The following GALNT16 variants were observed in gnomAD, a reference collection of about 807,000 sequenced individuals.
GALNT16 encodes the protein polypeptide N-acetylgalactosaminyltransferase 16, also known as UDP-GalNAc:polypeptide N-acetylgalactosaminyltransferase-like protein 1.
GALNT16 carries 40 observed loss-of-function variants against 76.1 expected under a neutral mutation model. The observed-to-expected ratio is 0.53, with a 90% CI of 0.41 to 0.68. GALNT16 has a LOEUF of 0.68. Among genes scored for constraint, GALNT16 ranks in the 30% least tolerant of loss-of-function variants. The pLI is 0.00. For missense variants in GALNT16, 621 were observed against 731.9 expected, an observed-to-expected ratio of 0.85 and a Z score of 1.75; for synonymous variants, 276 against 285.2, an observed-to-expected ratio of 0.97 and a Z score of 0.32.
chr14:69,383,438 AC>A, the GALNT16 span, among the ~76,000 whole-genome samples: 1 of 152,242 alleles, frequency 6.6e-6, no homozygotes, highest in Non-Finnish European at 1.5e-5. Context: ...CTGAGGAGTA[AC>A]GGCCCAAATC....
chr14:69,291,374 C>T (rs2044685259), intron 1 of GALNT16, among the ~76,000 whole-genome samples: 1 of 152,146 alleles, frequency 6.6e-6, no homozygotes, highest in Non-Finnish European at 1.5e-5. Context: ...GCCCCCCTCC[C>T]CGGCTTATTA....
intron 9 of GALNT16, among the ~76,000 whole-genome samples, 180 bp from the exon 10 acceptor site, chr14:69,338,471 G>A (rs900146729): frequency 2.6e-5 from 4 of 152,200 alleles, no homozygotes; most frequent in African/African-American, 4.8e-5. Flanking sequence ...ACGTACACAC[G>A]TAGAGTGGGC....
At chr14:69,377,804 C>CAAAAAAAAAAAAAAAAA in the GALNT16 span, among the ~76,000 whole-genome samples, 3 of 37,486 alleles carry the variant, frequency 8.0e-5, no homozygotes, top group South Asian at 1.5e-3. Context: ...GAGACTGTCT[C>CAAAAAAAAAAAAAAAAA]AAAAAAAAAA....
At chr14:69,316,166 TG>T (rs1033792196) in intron 1 of GALNT16, among the ~76,000 whole-genome samples, 10 of 152,060 alleles carry the variant, frequency 6.6e-5, no homozygotes, top group African/African-American at 2.4e-4. Flanking sequence ...AGCCTATGAG[TG>T]GGGAAGAAGA....
intron 1 of GALNT16, among the ~76,000 whole-genome samples, chr14:69,285,058 T>TC: frequency 6.8e-6 from 1 of 148,134 alleles, no homozygotes; most frequent in Admixed American, 6.7e-5. Context: ...TTTTTTTTTT[T>TC]GAGACGGAGT....
rs1427759606 is a variant in GALNT16 at position 69,340,511 on chromosome 14, G to A, written c.1187+892G>A. Among the ~76,000 whole-genome samples, 3 of 149,930 alleles carry A rather than the reference G, an allele frequency of 2.0e-5. No homozygotes were observed. The East Asian group carries it at 5.8e-4, about 29-fold the overall frequency. ...ATTTTTTTTTTTTTTTCTAGATGGA[G>A]TCTCATTCTGTCACCCAGGCTGGAG... On this transcript the variant is annotated intron_variant, in intron 11 of 14. Transcript: ENST00000448469.
intron 1 of GALNT16, among the ~76,000 whole-genome samples, chr14:69,277,812 A>G (rs2140112148): frequency 6.6e-6 from 1 of 152,320 alleles, no homozygotes; most frequent in East Asian, 1.9e-4. Flanking sequence ...GTCTTCCACA[A>G]TGGTTGAACT....
At chr14:69,331,105 C>T (rs532495314) in intron 6 of GALNT16, among the ~76,000 whole-genome samples, 1 of 152,256 alleles carries the variant, frequency 6.6e-6, no homozygotes, top group South Asian at 2.1e-4. Flanking sequence ...AGTCACTGTC[C>T]CAGGAATCAT....
chr14:69,371,003 C>T, the GALNT16 span, among the ~76,000 whole-genome samples: 1 of 152,166 alleles, frequency 6.6e-6, no homozygotes, highest in Non-Finnish European at 1.5e-5. Context: ...ACCAAATAAA[C>T]AGTCCTTATG....
chr14:69,270,012 T>C (rs1223149269), intron 1 of GALNT16, among the ~76,000 whole-genome samples: 1 of 152,028 alleles, frequency 6.6e-6, no homozygotes, highest in Non-Finnish European at 1.5e-5. Context: ...TGGTGGTACC[T>C]GATCAAGCCC....
chr14:69,378,319 G>T, the GALNT16 span, among the ~76,000 whole-genome samples: 5 of 152,266 alleles, frequency 3.3e-5, no homozygotes, highest in South Asian at 8.3e-4. Flanking sequence ...TATAAATCTG[G>T]ATTAGAGAAT....
the GALNT16 span, among the ~76,000 whole-genome samples, chr14:69,369,486 G>T: frequency 5.3e-5 from 8 of 152,194 alleles, no homozygotes; most frequent in South Asian, 1.2e-3. Context: ...GAGCTGCTTT[G>T]GATGGGGTCC....
intron 1 of GALNT16, among the ~76,000 whole-genome samples, chr14:69,298,828 GC>G (rs1164424799): frequency 6.6e-6 from 1 of 152,240 alleles, no homozygotes; most frequent in Non-Finnish European, 1.5e-5. Context: ...GGGAGGCCAG[GC>G]ATCTGCCTTT....
chr14:69,263,656 T>G (rs2044304351), intron 1 of GALNT16, among the ~76,000 whole-genome samples: 1 of 152,228 alleles, frequency 6.6e-6, no homozygotes, highest in Non-Finnish European at 1.5e-5. Context: ...CCAAGTTGCT[T>G]CTGGACCTTG....
intron 1 of GALNT16, among the ~76,000 whole-genome samples, chr14:69,284,143 C>A (rs766319074): frequency 2.0e-5 from 3 of 152,166 alleles, no homozygotes; most frequent in Non-Finnish European, 4.4e-5. Flanking sequence ...AGGGCTGGAC[C>A]TCCTCCTTAT....
chr14:69,380,570 GGAGC>G, the GALNT16 span: 1 of 1,603,102 alleles, frequency 6.2e-7, no homozygotes, highest in South Asian at 1.1e-5. Context: ...TGCCGACGAA[GGAGC>G]ACGTAGATCT....
chr14:69,313,231 A>G (rs1035787293), intron 1 of GALNT16, among the ~76,000 whole-genome samples: 1 of 152,172 alleles, frequency 6.6e-6, no homozygotes, highest in Non-Finnish European at 1.5e-5. Flanking sequence ...GGGCTTTTGT[A>G]CCCTTCACAG....
chr14:69,262,413 A>C (rs1280757525), intron 1 of GALNT16, among the ~76,000 whole-genome samples: 2 of 152,132 alleles, frequency 1.3e-5, no homozygotes, highest in Non-Finnish European at 2.9e-5. Flanking sequence ...AGGATTCAGC[A>C]CTCATTTTGA....
intron 7 of GALNT16, among the ~76,000 whole-genome samples, chr14:69,331,912 A>G (rs113242993): frequency 6.6e-6 from 1 of 152,346 alleles, no homozygotes; most frequent in African/African-American, 2.4e-5. Context: ...GATGGGGAGT[A>G]GGGAGCCCTC....
Sources: allele counts gnomAD v4.1 joint callset (sites outside exome capture counted in the v4.1 genomes callset), GRCh38; gene constraint gnomAD v4.1.1; transcripts MANE v1.5; gene names NCBI Gene and HGNC (gene_info 2026-07-23, HGNC 2026-07-21).